Variants in FAM83B observed in about 807,000 individuals in gnomAD.
FAM83B encodes scaffolding CK1 anchoring protein B.
In FAM83B, 26 loss-of-function variants were observed where a neutral mutation model predicts 38.8. That is an observed-to-expected ratio of 0.67 (90% CI 0.49 to 0.93). The LOEUF is 0.93. FAM83B is among the 40% of genes least tolerant of loss of function. FAM83B has a pLI of 0.00. For missense variants in FAM83B, 1,237 were observed against 1,197.3 expected, an observed-to-expected ratio of 1.03 and a Z score of -0.49; for synonymous variants, 419 against 423.1, an observed-to-expected ratio of 0.99 and a Z score of 0.12.
At chr6:54,928,778 ATAAT>A (rs1458565450) in intron 4 of FAM83B, among the ~76,000 whole-genome samples, 2 of 152,156 alleles carry the variant, frequency 1.3e-5, no homozygotes, top group African/African-American at 2.4e-5. Context: ...TAAGGTCATC[ATAAT>A]TAATAGTTTC....
intron 1 of FAM83B, among the ~76,000 whole-genome samples, chr6:54,863,775 C>G (rs1430410543): frequency 6.6e-6 from 1 of 152,142 alleles, no homozygotes; most frequent in East Asian, 1.9e-4. Flanking sequence ...TATTTTGCCA[C>G]TTTGTCACTA....
chr6:54,860,494 A>C (rs1308215210), intron 1 of FAM83B, among the ~76,000 whole-genome samples: 1 of 152,238 alleles, frequency 6.6e-6, no homozygotes, highest in Non-Finnish European at 1.5e-5. Flanking sequence ...ATCTTGTAAG[A>C]GAAGTACAAA....
At position 54,861,117 on chromosome 6, in the gene FAM83B, T is replaced by C. The variant is rs573372285; in HGVS notation, c.-60-9070T>C. ...AATTTATTTTTTAGTAGTCTCTAGTTTATACTTTAGTCAACTCTCACTCTG... is the reference window on the plus strand; with the variant it reads ...AATTTATTTTTTAGTAGTCTCTAGTCTATACTTTAGTCAACTCTCACTCTG... On this transcript the variant is annotated intron_variant, in intron 1 of 4. Coordinates refer to ENST00000306858, the MANE Select transcript of FAM83B (RefSeq NM_001010872.3). Among the ~76,000 whole-genome samples the C allele has an allele frequency of 2.9e-4, 44 of 152,340 alleles. 1 individual carries two copies. The highest frequency in any genetic ancestry group is 2.1e-4 in the South Asian group (1 of 4,828).
chr6:54,909,062 C>T (rs755496531), intron 2 of FAM83B, among the ~76,000 whole-genome samples: 3 of 152,192 alleles, frequency 2.0e-5, no homozygotes, highest in Non-Finnish European at 4.4e-5. Context: ...TCTAACACAA[C>T]TCATAGAGCT....
At chr6:54,916,900 C>T (rs1561924229) in intron 2 of FAM83B, among the ~76,000 whole-genome samples, 1 of 152,094 alleles carries the variant, frequency 6.6e-6, no homozygotes, top group Non-Finnish European at 1.5e-5. Flanking sequence ...TCTTGCAGAC[C>T]TTGCTCTCTG....
chr6:54,907,514 ATT>A (rs1772800622), intron 2 of FAM83B, among the ~76,000 whole-genome samples: 1 of 152,062 alleles, frequency 6.6e-6, no homozygotes, highest in African/African-American at 2.4e-5. Flanking sequence ...TTTACTTTCA[ATT>A]TCTATACTTA....
intron 1 of FAM83B, among the ~76,000 whole-genome samples, chr6:54,852,991 C>T (rs182074674): frequency 1.9e-4 from 29 of 151,814 alleles, no homozygotes; most frequent in Admixed American, 1.4e-3. Context: ...GTATTTTATG[C>T]GTAGCCCAAG....
chr6:54,850,119 C>T (rs1030483295), intron 1 of FAM83B, among the ~76,000 whole-genome samples: 3 of 152,116 alleles, frequency 2.0e-5, no homozygotes, highest in Admixed American at 2.0e-4. Flanking sequence ...ATTATAAGTA[C>T]ACAAATAAAT....
At chr6:54,938,596 A>T (rs1253089897) in intron 4 of FAM83B, among the ~76,000 whole-genome samples, 2 of 152,002 alleles carry the variant, frequency 1.3e-5, no homozygotes, top group Non-Finnish European at 2.9e-5. Context: ...TGTGGGCTTA[A>T]TTTGCATTTC....
chr6:54,921,052 C>T (rs1581922467), intron 2 of FAM83B, among the ~76,000 whole-genome samples: 1 of 151,648 alleles, frequency 6.6e-6, no homozygotes, highest in South Asian at 2.1e-4. Context: ...GAATATTACC[C>T]TCATCTTCTT....
chr6:54,928,297 C>T (rs1055795509), intron 4 of FAM83B, among the ~76,000 whole-genome samples: 12 of 152,158 alleles, frequency 7.9e-5, no homozygotes, highest in Admixed American at 3.9e-4. Flanking sequence ...GATGTGAACA[C>T]GACTGTGTAA....
intron 1 of FAM83B, among the ~76,000 whole-genome samples, chr6:54,851,038 A>C (rs9475042): frequency 0.44 from 61,020 of 137,790 alleles, 13,805 homozygotes; most frequent in Middle Eastern, 0.53. Context: ...AAAAAAAAAA[A>C]GTGCTGTATT....
In FAM83B at chr6:54,942,730, T is replaced by TTTTTTTTTTTTTTTTTTTTTGAG. The variant is rs1561934810; in HGVS notation, c.*723_*724insTTTTTTTTTTTTTTTTTTTTGAG. On this transcript the variant is annotated 3_prime_UTR_variant, in exon 5 of 5. Transcript: ENST00000306858. ...TCTTACCCATAGGCTGCTGATTTTT[T>TTTTTTTTTTTTTTTTTTTTTGAG]ATAGTCATTCCTTACTTCACATTTA... is the stretch of plus-strand genomic sequence containing the variant. Among the ~76,000 whole-genome samples, 1 of 151,864 alleles carries TTTTTTTTTTTTTTTTTTTTTGAG rather than the reference T, an allele frequency of 6.6e-6. No homozygotes were observed. The highest frequency in any genetic ancestry group is 2.4e-5 in the African/African-American group (1 of 41,190).
intron 2 of FAM83B, among the ~76,000 whole-genome samples, chr6:54,925,603 T>G (rs145934011): frequency 1.3e-5 from 2 of 152,284 alleles, no homozygotes; most frequent in African/African-American, 4.8e-5. Context: ...CTAAAGTAAT[T>G]TTAGGCAAGT....
chr6:54,871,313 G>A (rs1304386747), intron 2 of FAM83B, among the ~76,000 whole-genome samples: 1 of 151,820 alleles, frequency 6.6e-6, no homozygotes, highest in Non-Finnish European at 1.5e-5. Flanking sequence ...AAAACTGTAG[G>A]ACTCTTTAAT....
intron 1 of FAM83B, among the ~76,000 whole-genome samples, chr6:54,850,577 A>G (rs1429360345): frequency 6.6e-6 from 1 of 152,184 alleles, no homozygotes; most frequent in Non-Finnish European, 1.5e-5. Flanking sequence ...GTCATCTTCC[A>G]TCTCAATGGT....
chr6:54,860,986 G>C (rs1171311855), intron 1 of FAM83B, among the ~76,000 whole-genome samples: 2 of 152,164 alleles, frequency 1.3e-5, no homozygotes, highest in East Asian at 3.9e-4. Flanking sequence ...TTCATGTTAT[G>C]GTCTTGAACT....
chr6:54,886,994 C>T (rs1004872682), intron 2 of FAM83B, among the ~76,000 whole-genome samples: 3 of 151,964 alleles, frequency 2.0e-5, no homozygotes, highest in African/African-American at 7.3e-5. Context: ...ATTTCCAAAT[C>T]GTTTCGAATT....
intron 2 of FAM83B, among the ~76,000 whole-genome samples, chr6:54,875,798 GA>G (rs1771979040): frequency 6.6e-6 from 1 of 151,638 alleles, no homozygotes. Context: ...GAAGGAGAGA[GA>G]AAGAAAAAGA....
Sources: allele counts gnomAD v4.1 joint callset (sites outside exome capture counted in the v4.1 genomes callset), GRCh38; gene constraint gnomAD v4.1.1; transcripts MANE v1.5; gene names NCBI Gene and HGNC (gene_info 2026-07-23, HGNC 2026-07-21).